CSMD3: variants seen among roughly 807,000 people sequenced by gnomAD.
CSMD3 encodes CUB and Sushi multiple domains 3.
Under a neutral mutation model 435.2 loss-of-function variants are expected in CSMD3, and 177 were observed. The ratio of observed to expected loss-of-function variants is 0.41; its 90% CI spans 0.36 to 0.46. The LOEUF (loss-of-function observed/expected upper bound fraction) is 0.46, where lower values mean the gene tolerates loss of function less well. Ranked by LOEUF, CSMD3 falls within the 20% of genes least tolerant of loss-of-function variation. The probability of loss-of-function intolerance (pLI) is 0.34; values close to 1 mark genes in which losing one functional copy is unlikely to be tolerated. For synonymous variants in CSMD3, 1,656 were observed against 1,520.5 expected (o/e 1.09, Z -2.07); for missense variants, 4,265 against 4,504.6 (o/e 0.95, Z 1.52).
Position 112,645,210 on chromosome 8 carries a change from T to G in CSMD3, c.3209A>C (p.Asp1070Ala). Residue 1070 changes from aspartate (D) to alanine (A), a missense_variant, in exon 20 of 71, where the codon GAT becomes GCT. Coordinates refer to ENST00000297405, the MANE Select transcript of CSMD3 (RefSeq NM_198123.2). ...LPTCDALCGG[D>A]VRGPSGTILS... ...GATTGTTCCACTAGGCCCTCTAACA[T>G]CTCCTCCACATAATGCTGAAATACA... 1 of 1,569,628 alleles carries G rather than the reference T, an allele frequency of 6.4e-7. No homozygotes were observed. The highest frequency in any genetic ancestry group is 2.2e-5 in the East Asian group (1 of 44,590).
chr8:113,147,399 T>C (rs759906116), intron 4 of CSMD3, among the ~76,000 whole-genome samples: 6 of 151,714 alleles, frequency 4.0e-5, no homozygotes, highest in Non-Finnish European at 7.4e-5. Flanking sequence ...CACACTTTTC[T>C]TCTCAGAACA....
intron 58 of CSMD3, among the ~76,000 whole-genome samples, chr8:112,282,549 A>G (rs1453010466): frequency 6.6e-6 from 1 of 152,090 alleles, no homozygotes; most frequent in African/African-American, 2.4e-5. Context: ...ATAGAGACCT[A>G]GGCAGAGTCA....
Position 112,492,531 on chromosome 8 carries a change from C to T in CSMD3, c.5236G>A (p.Asp1746Asn), listed in dbSNP as rs76916857. ...YSTLTCIMGD[D>N]GRPGWNRALP... Reference sequence around the variant, plus strand: ...GCTCTATTCCATCCAGGTCTTCCATCATCTCCCATGATACAGGTGAGTGTT... The same window carrying T: ...GCTCTATTCCATCCAGGTCTTCCATTATCTCCCATGATACAGGTGAGTGTT... Residue 1746 changes from aspartate (D) to asparagine (N), a missense_variant, in exon 31 of 71, where the codon GAT becomes AAT. Asp to Asn is a conservative substitution (Grantham distance 23, BLOSUM62 1). This residue lies in a region of CSMD3 where 3,255 missense variants were observed against 3,380.2 expected (regional missense o/e 0.96). Coordinates refer to ENST00000297405, the MANE Select transcript of CSMD3 (RefSeq NM_198123.2). 1.2e-3 allele frequency: 1,891 copies of T among 1,614,012 alleles called. 19 individuals carry two copies. In the African/African-American group the frequency reaches 0.022, roughly 19 times the overall value.
intron 24 of CSMD3, among the ~76,000 whole-genome samples, chr8:112,566,460 G>T (rs868518791): frequency 3.3e-5 from 5 of 151,972 alleles, no homozygotes; most frequent in African/African-American, 1.2e-4. Context: ...ATCCAAGCCC[G>T]TACTATACTC....
intron 4 of CSMD3, among the ~76,000 whole-genome samples, chr8:113,113,217 A>AGATACAG (rs1201868231): frequency 6.6e-6 from 1 of 152,188 alleles, no homozygotes; most frequent in Non-Finnish European, 1.5e-5. Context: ...TTTTATTTAT[A>AGATACAG]GATACAGGGA....
chr8:113,375,536 C>CACACACACACACACAT (rs1554623679), intron 1 of CSMD3, among the ~76,000 whole-genome samples: 145 of 150,538 alleles, frequency 9.6e-4, no homozygotes, highest in Middle Eastern at 3.4e-3. Context: ...CACACACACA[C>CACACACACACACACAT]ACACACACAC....
At chr8:112,742,701 A>G (rs571843047) in intron 13 of CSMD3, among the ~76,000 whole-genome samples, 2 of 151,972 alleles carry the variant, frequency 1.3e-5, no homozygotes, top group Non-Finnish European at 1.5e-5. Flanking sequence ...GATTGAAAAA[A>G]AATATCCCAT....
chr8:113,019,963 A>G (rs2086625152), intron 5 of CSMD3, among the ~76,000 whole-genome samples: 1 of 151,568 alleles, frequency 6.6e-6, no homozygotes, highest in Non-Finnish European at 1.5e-5. Flanking sequence ...GGAGATCGAG[A>G]CCATCCTGGC....
chr8:112,609,794 A>AAT (rs991679540), intron 22 of CSMD3, among the ~76,000 whole-genome samples: 26 of 152,010 alleles, frequency 1.7e-4, no homozygotes, highest in African/African-American at 5.8e-4. Context: ...AAGAAAATGT[A>AAT]ATATATATAT....
At chr8:112,830,525 G>A (rs1270775685) in intron 11 of CSMD3, among the ~76,000 whole-genome samples, 2 of 152,066 alleles carry the variant, frequency 1.3e-5, no homozygotes, top group East Asian at 1.9e-4. Flanking sequence ...TTGAAAAAAT[G>A]TAATTAAGAA....
intron 38 of CSMD3, among the ~76,000 whole-genome samples, chr8:112,367,781 A>T (rs1827922973): frequency 6.6e-6 from 1 of 152,160 alleles, no homozygotes; most frequent in Non-Finnish European, 1.5e-5. Flanking sequence ...TACTCTAAAA[A>T]TCCAAGTCCT....
Position 112,573,550 on chromosome 8 carries a change from A to C in CSMD3, c.3993T>G (p.Phe1331Leu), listed in dbSNP as rs1757002963. The change falls in exon 24 of 71, where the codon TTT (phenylalanine) becomes TTG (leucine). Residue 1331 changes from phenylalanine (F) to leucine (L), a missense_variant. By Grantham distance (22) the Phe-to-Leu change is conservative. Coordinates refer to ENST00000297405, the MANE Select transcript of CSMD3 (RefSeq NM_198123.2). Reference protein sequence around the residue: ...SSTSNQLWLEFNSDTEGTDEG... With the variant: ...SSTSNQLWLELNSDTEGTDEG... ...CATCTGTCCCTTCAGTATCGGAATT[A>C]AATTCTAGCCAGAGTTGATTTGAAG... The C allele has an allele frequency of 6.2e-7, 1 of 1,613,566 alleles. No homozygotes were observed. Among genetic ancestry groups the C allele is most frequent in the Non-Finnish European group, 8.5e-7 (1 of 1,179,584 alleles).
chr8:112,230,492 A>G (rs1027484817), intron 69 of CSMD3, among the ~76,000 whole-genome samples: 1 of 152,180 alleles, frequency 6.6e-6, no homozygotes, highest in East Asian at 1.9e-4. Context: ...AAAATTTTTT[A>G]AAAAGTTCAT....
At chr8:113,417,147 G>A (rs1186517171) in intron 1 of CSMD3, among the ~76,000 whole-genome samples, 3 of 151,998 alleles carry the variant, frequency 2.0e-5, no homozygotes, top group Non-Finnish European at 2.9e-5. Context: ...AGTAAAGCAT[G>A]TCGCACTATA....
intron 39 of CSMD3, among the ~76,000 whole-genome samples, chr8:112,351,516 A>G (rs1826135245): frequency 6.6e-6 from 1 of 151,978 alleles, no homozygotes; most frequent in Admixed American, 6.6e-5. Flanking sequence ...TCCTATAACA[A>G]TATGTTTTAC....
At chr8:113,276,048 C>A (rs1237103655) in intron 3 of CSMD3, among the ~76,000 whole-genome samples, 1 of 151,944 alleles carries the variant, frequency 6.6e-6, no homozygotes, top group Non-Finnish European at 1.5e-5. Flanking sequence ...TGCCAGTTGG[C>A]CCTGGCAGTA....
At chr8:113,167,076 C>A (rs994574535) in intron 4 of CSMD3, among the ~76,000 whole-genome samples, 1 of 151,766 alleles carries the variant, frequency 6.6e-6, no homozygotes, top group South Asian at 2.1e-4. Flanking sequence ...TGAAGCAAAC[C>A]AAGGCTTTTA....
At chr8:112,492,783 G>T in intron 30 of CSMD3, 100 bp from the exon 31 acceptor site, 1 of 966,490 alleles carries the variant, frequency 1.0e-6, no homozygotes, top group Non-Finnish European at 1.7e-6. Context: ...ACTGCAGATT[G>T]AAAATATTTG....
chr8:113,416,127 A>G (rs1443460727), intron 1 of CSMD3, among the ~76,000 whole-genome samples: 1 of 152,124 alleles, frequency 6.6e-6, no homozygotes, highest in East Asian at 1.9e-4. Flanking sequence ...AGTGTGATGC[A>G]TAAATTTAAA....
Sources: allele counts gnomAD v4.1 joint callset (sites outside exome capture counted in the v4.1 genomes callset), GRCh38; gene constraint gnomAD v4.1.1; regional missense constraint gnomAD v4.1.1; transcripts MANE v1.5; gene names NCBI Gene and HGNC (gene_info 2026-07-23, HGNC 2026-07-21).